Variants in SENP2 observed in about 807,000 individuals in gnomAD.
The protein encoded by SENP2 is sentrin-specific protease 2.
Under a neutral mutation model 86.3 loss-of-function variants are expected in SENP2, and 16 were observed. The ratio of observed to expected loss-of-function variants is 0.19; its 90% CI spans 0.13 to 0.28. SENP2 has a LOEUF of 0.28. Ranked by LOEUF, SENP2 falls within the 10% of genes least tolerant of loss-of-function variation. The probability of loss-of-function intolerance (pLI) is 1.00; values close to 1 mark genes in which losing one functional copy is unlikely to be tolerated. For missense variants in SENP2, 552 were observed against 703.0 expected, an observed-to-expected ratio of 0.79 and a Z score of 2.43; for synonymous variants, 222 against 238.7, an observed-to-expected ratio of 0.93 and a Z score of 0.64.
intron 5 of SENP2, 42 bp from the exon 6 acceptor site, chr3:185,606,288 C>A: frequency 6.5e-7 from 1 of 1,535,590 alleles, no homozygotes. Context: ...GCAATTTAAG[C>A]AGCTTGGTGA....
chr3:185,623,152 G>T (rs931078846), intron 14 of SENP2, among the ~76,000 whole-genome samples: 2 of 150,800 alleles, frequency 1.3e-5, no homozygotes, highest in South Asian at 2.1e-4. Flanking sequence ...TTATTTGTTT[G>T]TTTTTTGAGA....
chr3:185,608,202 G>A (rs1426266549), intron 6 of SENP2, among the ~76,000 whole-genome samples: 1 of 152,220 alleles, frequency 6.6e-6, no homozygotes, highest in African/African-American at 2.4e-5. Context: ...TTGATAAGGA[G>A]GCAGAGAGTA....
chr3:185,598,887 C>T, intron 3 of SENP2, 71 bp from the exon 4 acceptor site: 2 of 1,231,544 alleles, frequency 1.6e-6, no homozygotes, highest in East Asian at 2.4e-5. Context: ...AAAAAGTTAT[C>T]TTTTCATAAT....
rs1310389292 is a variant in SENP2 at position 185,586,766 on chromosome 3, A to G, written c.101+252A>G. Among the ~76,000 whole-genome samples, 1 of 152,228 alleles carries G rather than the reference A, an allele frequency of 6.6e-6. No individual in the cohort carries two copies. The highest frequency in any genetic ancestry group is 1.9e-4 in the East Asian group (1 of 5,198). ...AGGCCAAGCTGGTTGCTGATAACAA[A>G]TGGGGCTTTGCCGCTCTTAGGCTGA... On this transcript the variant is annotated intron_variant, in intron 1 of 16. Coordinates refer to ENST00000296257, the MANE Select transcript of SENP2 (RefSeq NM_021627.3). This position sits in a 1 kb window ranked among gnomAD's most constrained non-coding sequence, Gnocchi z 4.3.
chr3:185,621,441 G>A (rs1268371190), intron 13 of SENP2, among the ~76,000 whole-genome samples: 1 of 128,996 alleles, frequency 7.8e-6, no homozygotes, highest in South Asian at 2.4e-4. Flanking sequence ...CCAGGCTAGA[G>A]TGCAGTGACA....
intron 14 of SENP2, 102 bp downstream of exon 14, chr3:185,622,007 C>A: frequency 3.0e-6 from 2 of 657,790 alleles, no homozygotes; most frequent in Non-Finnish European, 5.3e-6. Context: ...GTAGTTAAGG[C>A]TATTTCAGGA....
chr3:185,597,372 AG>A (rs1464217887), intron 2 of SENP2, among the ~76,000 whole-genome samples: 14 of 152,076 alleles, frequency 9.2e-5, no homozygotes, highest in Admixed American at 5.2e-4. Context: ...ATTTATTTTG[AG>A]ATGGAGTCTC....
intron 8 of SENP2, chr3:185,612,096 G>A (rs942530395): frequency 1.2e-5 from 2 of 172,402 alleles, no homozygotes; most frequent in Non-Finnish European, 2.5e-5. Flanking sequence ...GGTGGAGGTT[G>A]CAGTGAGCCA....
At chr3:185,602,832 TAAAAAAAA>T (rs1156317272) in intron 5 of SENP2, among the ~76,000 whole-genome samples, 4 of 63,052 alleles carry the variant, frequency 6.3e-5, no homozygotes, top group South Asian at 1.4e-3. Flanking sequence ...GACTCTGTCT[TAAAAAAAA>T]AAAAAAAAAA....
rs566163126 is a variant in SENP2, at chr3:185,620,999, G to A, written c.1447-827G>A. On this transcript the variant is annotated intron_variant, in intron 13 of 16. Coordinates refer to ENST00000296257, the MANE Select transcript of SENP2 (RefSeq NM_021627.3). ...ACAAATTTAAAAATTTGCTGGGCGT[G>A]GTGGTGCACACCTGTGGTCCCAGCT... 2.6e-4 allele frequency among the ~76,000 whole-genome samples: 39 copies of A among 151,054 alleles called. No homozygotes were observed. The South Asian group carries it at 7.5e-3, about 29-fold the overall frequency.
intron 14 of SENP2, 42 bp downstream of exon 14, chr3:185,621,947 ATC>A (rs748435919): frequency 1.5e-6 from 2 of 1,307,358 alleles, no homozygotes; most frequent in African/African-American, 1.5e-5. Context: ...TGTTGAGGTG[ATC>A]TCTCTTTTAT....
intron 16 of SENP2, among the ~76,000 whole-genome samples, chr3:185,627,946 CT>C (rs1348668097): frequency 6.6e-6 from 1 of 152,122 alleles, no homozygotes; most frequent in Non-Finnish European, 1.5e-5. Context: ...CGTGAAGTAA[CT>C]AGGACTCCCG....
chr3:185,611,890 C>T (rs1722713986), intron 8 of SENP2, 145 bp downstream of exon 8: 1 of 618,638 alleles, frequency 1.6e-6, no homozygotes, highest in East Asian at 3.0e-5. Flanking sequence ...GGCGCGGTGG[C>T]TTACGCCTGC....
chr3:185,617,459 C>T lies in SENP2; in HGVS notation c.1111-21C>T, dbSNP rs982409641. On this transcript the variant is annotated intron_variant, in intron 11 of 16. Coordinates refer to ENST00000296257, the MANE Select transcript of SENP2 (RefSeq NM_021627.3). ...GAATGGTTCTATATTAAAATAGCAA[C>T]TTCTGAACTTTCTAATTCAGGACAT... 3 of 1,590,506 alleles carry T rather than the reference C, an allele frequency of 1.9e-6. No individual in the cohort carries two copies. The African/African-American group carries it at 4.1e-5, about 21-fold the overall frequency.
At chr3:185,623,471 G>A (rs1362808353) in intron 14 of SENP2, among the ~76,000 whole-genome samples, 4 of 151,934 alleles carry the variant, frequency 2.6e-5, no homozygotes, top group Non-Finnish European at 5.9e-5. Flanking sequence ...TTTTGGTGGG[G>A]GCATCTAATG....
At chr3:185,602,624 A>G (rs964779693) in intron 5 of SENP2, among the ~76,000 whole-genome samples, 3 of 151,950 alleles carry the variant, frequency 2.0e-5, no homozygotes, top group African/African-American at 7.2e-5. Flanking sequence ...AAACTAGTAA[A>G]TACAAGTTTG....
chr3:185,627,523 C>T (rs60937881), intron 16 of SENP2, among the ~76,000 whole-genome samples: 2,459 of 152,340 alleles, frequency 0.016, 63 homozygotes, highest in African/African-American at 0.055. Context: ...AGCAATACTC[C>T]TGCCTCAGCC....
At position 185,629,789 on chromosome 3, in the gene SENP2, T is replaced by G; in HGVS notation, c.1715T>G (p.Met572Arg). ...DKPITFTQHQ[M>R]PLFRKKMVWE... ...TTATGGGGTTCTTTGCAGCACCAGATGCCTCTCTTCCGGAAGAAGATGGTG... is the reference window on the plus strand; with the variant it reads ...TTATGGGGTTCTTTGCAGCACCAGAGGCCTCTCTTCCGGAAGAAGATGGTG... Residue 572 changes from methionine to arginine, a missense_variant, in exon 17 of 17, where the codon ATG becomes AGG. Physicochemically the swap from Met to Arg is moderately conservative, Grantham distance 91. Transcript: ENST00000296257. 6.2e-7 allele frequency: 1 copy of G among 1,614,218 alleles called. No homozygotes were observed. Among genetic ancestry groups the G allele is most frequent in the Non-Finnish European group, 8.5e-7 (1 of 1,180,028 alleles).
chr3:185,624,050 T>G lies in SENP2; in HGVS notation c.1579T>G (p.Leu527Val). ...CAAAAGAAATAGTGATCTGAATCTT[T>G]TAGAGTGGACCCATCACAGCATGAA... ...KTKRNSDLNL[L>V]EWTHHSMKPH... The change falls in exon 15 of 17, where the codon TTA becomes GTA. Residue 527 changes from leucine to valine, a missense_variant. Coordinates refer to ENST00000296257, the MANE Select transcript of SENP2 (RefSeq NM_021627.3). The G allele has an allele frequency of 6.2e-7, 1 of 1,613,018 alleles. No homozygotes were observed. Among genetic ancestry groups the G allele is most frequent in the South Asian group, 1.1e-5 (1 of 90,868 alleles).
Sources: gnomAD v4.1 joint callset for allele counts (sites outside exome capture counted in the v4.1 genomes callset) on GRCh38, gnomAD v4.1.1 for gene constraint, Gnocchi (gnomAD v3.1) non-coding constraint, MANE v1.5 for transcripts, NCBI Gene and HGNC (gene_info 2026-07-23, HGNC 2026-07-21) for gene names.